Variants in MYO3B observed in about 807,000 individuals in gnomAD.
MYO3B encodes the protein myosin IIIB.
A neutral mutation model predicts 174.6 loss-of-function variants in MYO3B; 156 were observed. The observed-to-expected ratio is 0.89, with a 90% confidence interval of 0.78 to 1.02. The LOEUF is 1.02. Among genes scored for constraint, MYO3B ranks in the 50% least tolerant of loss-of-function variants. The pLI is 0.00. For synonymous variants in MYO3B, 563 were observed against 569.1 expected, an observed-to-expected ratio of 0.99 and a Z score of 0.15; for missense variants, 1,632 against 1,639.4, an observed-to-expected ratio of 1.00 and a Z score of 0.08.
At chr2:170,346,615 G>T (rs2094018223) in intron 8 of MYO3B, among the ~76,000 whole-genome samples, 1 of 152,008 alleles carries the variant, frequency 6.6e-6, no homozygotes, top group East Asian at 1.9e-4. Flanking sequence ...TGTCATAAGG[G>T]TTTATGTTAA....
chr2:170,306,870 A>T (rs774091975), intron 7 of MYO3B, among the ~76,000 whole-genome samples: 1 of 152,178 alleles, frequency 6.6e-6, no homozygotes, highest in South Asian at 2.1e-4. Context: ...TGTATTTTGC[A>T]TATTTGGAGA....
At chr2:170,381,167 C>T (rs1396329137) in intron 9 of MYO3B, among the ~76,000 whole-genome samples, 1 of 151,918 alleles carries the variant, frequency 6.6e-6, no homozygotes, top group Non-Finnish European at 1.5e-5. Flanking sequence ...AACAACCCCC[C>T]CCATCGGACT....
chr2:170,390,562 C>A (rs2105763829), intron 14 of MYO3B, among the ~76,000 whole-genome samples: 1 of 152,128 alleles, frequency 6.6e-6, no homozygotes, highest in East Asian at 1.9e-4. Flanking sequence ...ATGAGGAGAC[C>A]CAGGAGAGGC....
chr2:170,568,742 G>A (rs900691653), intron 32 of MYO3B, among the ~76,000 whole-genome samples: 3 of 152,194 alleles, frequency 2.0e-5, no homozygotes, highest in Non-Finnish European at 4.4e-5. Context: ...CATAAAAGGA[G>A]ACCGTGAAAA....
Position 170,467,017 on chromosome 2 carries a change from A to G in MYO3B, c.3014+306A>G, listed in dbSNP as rs114273166. ...GTTGTTATGATGAAAGTATCCCTCCATAAGTGGGCCGGATTTGAATGCACC... is the reference window on the plus strand; with the variant it reads ...GTTGTTATGATGAAAGTATCCCTCCGTAAGTGGGCCGGATTTGAATGCACC... On this transcript the variant is annotated intron_variant, in intron 25 of 34. Coordinates refer to ENST00000408978, the MANE Select transcript of MYO3B (RefSeq NM_138995.5). Among the ~76,000 whole-genome samples the G allele has an allele frequency of 7.3e-3, 1,106 of 152,306 alleles. 9 individuals carry two copies. The highest frequency in any genetic ancestry group is 0.025 in the African/African-American group (1,057 of 41,574).
rs201976360 is a variant in MYO3B at position 170,472,669 on chromosome 2, TTATC to T, written c.3014+5962_3014+5965del. Among the ~76,000 whole-genome samples the T allele has an allele frequency of 7.0e-5, 10 of 142,014 alleles. No homozygotes were observed. The South Asian group carries it at 7.3e-4, about 10-fold the overall frequency. The allele number at this position is 142,014 out of a possible 152,430, so 93.2% of individuals were successfully genotyped here. A position where few individuals can be genotyped will look rare whatever the true frequency, so the allele number is the denominator to read the frequency against. The stretch of plus-strand genomic sequence containing the variant: ...GCAGGGATATTTTTCAGCTCACTTT[TTATC>T]TATTTATTTATTTATTTATTTATTT... On this transcript the variant is annotated intron_variant, in intron 25 of 34. Coordinates refer to ENST00000408978, the MANE Select transcript of MYO3B (RefSeq NM_138995.5).
chr2:170,504,977 C>A (rs1247186242), intron 28 of MYO3B, among the ~76,000 whole-genome samples: 2 of 152,096 alleles, frequency 1.3e-5, no homozygotes, highest in Non-Finnish European at 2.9e-5. Context: ...TTGAGGTAGG[C>A]CACATTTGCA....
chr2:170,608,858 G>T (rs1694976082), intron 32 of MYO3B, among the ~76,000 whole-genome samples: 1 of 152,092 alleles, frequency 6.6e-6, no homozygotes, highest in South Asian at 2.1e-4. Context: ...AAAGACTTTT[G>T]TTTTCCATCA....
At chr2:170,518,593 A>G (rs1019547347) in intron 29 of MYO3B, among the ~76,000 whole-genome samples, 6 of 152,190 alleles carry the variant, frequency 3.9e-5, no homozygotes, top group Non-Finnish European at 8.8e-5. Context: ...GGTGTTTCTA[A>G]TGTACAGCCA....
intron 32 of MYO3B, among the ~76,000 whole-genome samples, chr2:170,545,806 G>A (rs921114430): frequency 2.6e-5 from 4 of 152,108 alleles, no homozygotes; most frequent in Admixed American, 6.5e-5. Context: ...CTTATAAACA[G>A]CATCCTAAGT....
At chr2:170,479,571 A>G (rs1376750212) in intron 25 of MYO3B, among the ~76,000 whole-genome samples, 1 of 146,470 alleles carries the variant, frequency 6.8e-6, no homozygotes, top group African/African-American at 2.5e-5. Context: ...TATGTTTTAT[A>G]TATACATACA....
At chr2:170,438,439 A>G (rs1484220063) in intron 22 of MYO3B, among the ~76,000 whole-genome samples, 1 of 152,060 alleles carries the variant, frequency 6.6e-6, no homozygotes, top group Non-Finnish European at 1.5e-5. Flanking sequence ...TTTTAGGTAA[A>G]TACTCAGAAG....
At chr2:170,213,239 G>T (rs980603625) in intron 3 of MYO3B, among the ~76,000 whole-genome samples, 5 of 152,142 alleles carry the variant, frequency 3.3e-5, no homozygotes, top group African/African-American at 4.8e-5. Context: ...GGTTTATTCC[G>T]CCGGGAGCAT....
intron 32 of MYO3B, among the ~76,000 whole-genome samples, chr2:170,631,839 G>A (rs932701044): frequency 3.3e-5 from 5 of 152,030 alleles, no homozygotes; most frequent in Non-Finnish European, 5.9e-5. Context: ...AAAAGGCAGG[G>A]GTTGCAATGC....
intron 30 of MYO3B, among the ~76,000 whole-genome samples, chr2:170,528,908 G>T (rs967790785): frequency 2.0e-5 from 3 of 152,134 alleles, no homozygotes; most frequent in Non-Finnish European, 4.4e-5. Context: ...TGTCAACAAT[G>T]TTGCTCTACA....
intron 1 of MYO3B, among the ~76,000 whole-genome samples, chr2:170,180,477 C>T (rs13026388): frequency 1.3e-5 from 2 of 152,130 alleles, no homozygotes; most frequent in Non-Finnish European, 2.9e-5. Flanking sequence ...TCTCTGTTTT[C>T]TTTTTCTTCT....
At chr2:170,194,976 C>T (rs1009068165) in intron 1 of MYO3B, among the ~76,000 whole-genome samples, 14 of 152,078 alleles carry the variant, frequency 9.2e-5, no homozygotes, top group African/African-American at 2.2e-4. Context: ...CCAGAAGACT[C>T]AGCAAGTCTA....
chr2:170,263,475 T>C (rs1407751847), intron 7 of MYO3B, among the ~76,000 whole-genome samples: 1 of 152,050 alleles, frequency 6.6e-6, no homozygotes, highest in Non-Finnish European at 1.5e-5. Context: ...TCGTTATCTC[T>C]ACCATCTCGG....
chr2:170,277,907 A>G (rs1352855311), intron 7 of MYO3B, among the ~76,000 whole-genome samples: 1 of 152,226 alleles, frequency 6.6e-6, no homozygotes, highest in Non-Finnish European at 1.5e-5. Context: ...ATTTTCTGAT[A>G]TATCTGAATA....
Sources: gnomAD v4.1 joint callset for allele counts (sites outside exome capture counted in the v4.1 genomes callset) on GRCh38, gnomAD v4.1.1 for gene constraint, MANE v1.5 for transcripts, NCBI Gene and HGNC (gene_info 2026-07-23, HGNC 2026-07-21) for gene names.